Variants in OCA2 observed in about 807,000 individuals in gnomAD.
OCA2 encodes OCA2 melanosomal transmembrane protein, also known as P protein.
OCA2 carries 77 observed loss-of-function variants against 100.2 expected under a neutral mutation model. That is an observed-to-expected ratio of 0.77 (90% confidence interval 0.64 to 0.93). OCA2 has a LOEUF of 0.93. Among genes scored for constraint, OCA2 ranks in the 40% least tolerant of loss-of-function variants. The pLI is 0.00. For synonymous variants in OCA2, 432 were observed against 439.2 expected (o/e 0.98, Z 0.21); for missense variants, 1,062 against 1,089.1 (o/e 0.98, Z 0.35).
chr15:27,905,163 C>CAA (rs35906783), intron 19 of OCA2, among the ~76,000 whole-genome samples: 42,427 of 114,284 alleles, frequency 0.37, 7,962 homozygotes, highest in Middle Eastern at 0.54. Context: ...GACTCCACCT[C>CAA]AAAAAAAAAA....
chr15:28,081,529 G>T, intron 2 of OCA2, 119 bp downstream of exon 2: 1 of 938,862 alleles, frequency 1.1e-6, no homozygotes. Flanking sequence ...TCTAATGCTG[G>T]AAAAATTCTT....
rs189943545 is a variant in OCA2 at position 27,804,802 on chromosome 15, G to A, written c.2432+40157C>T. On this transcript the variant is annotated intron_variant, in intron 23 of 23. Coordinates refer to ENST00000354638, the MANE Select transcript of OCA2 (RefSeq NM_000275.3). ...ACCCAGCGCCTTGGGAACCACCAGCGTCCTGCAGCCTACGGCCCCAGTCCT... is the reference window on the plus strand; with the variant it reads ...ACCCAGCGCCTTGGGAACCACCAGCATCCTGCAGCCTACGGCCCCAGTCCT... Among the ~76,000 whole-genome samples the A allele has an allele frequency of 1.2e-4, 18 of 152,320 alleles. No individual in the cohort carries two copies. In the East Asian group the frequency reaches 3.3e-3, roughly 28 times the overall value.
intron 23 of OCA2, among the ~76,000 whole-genome samples, chr15:27,836,130 C>T (rs1008509222): frequency 2.6e-5 from 4 of 152,162 alleles, no homozygotes; most frequent in African/African-American, 9.7e-5. Flanking sequence ...TAACCTTTCT[C>T]AGGGCCACTG....
At chr15:28,049,104 A>G (rs531177726) in intron 2 of OCA2, among the ~76,000 whole-genome samples, 185 of 152,350 alleles carry the variant, frequency 1.2e-3, no homozygotes, top group Admixed American at 3.6e-3. Context: ...CTAGTATCCA[A>G]TATTTTAAAA....
intron 23 of OCA2, among the ~76,000 whole-genome samples, chr15:27,823,712 C>T (rs2311466): frequency 0.76 from 115,532 of 152,174 alleles, 45,387 homozygotes; most frequent in East Asian, 1. Context: ...TCTCCCTCCC[C>T]GAAAAAACTC....
intron 14 of OCA2, among the ~76,000 whole-genome samples, chr15:27,968,177 C>G (rs1218325540): frequency 6.6e-6 from 1 of 151,940 alleles, no homozygotes; most frequent in Non-Finnish European, 1.5e-5. Context: ...GCTTTTACAC[C>G]TTCAGCACAT....
At chr15:28,027,654 G>A (rs577164465) in intron 4 of OCA2, among the ~76,000 whole-genome samples, 31 of 152,308 alleles carry the variant, frequency 2.0e-4, no homozygotes, top group African/African-American at 7.5e-4. Flanking sequence ...AATCATTTAG[G>A]TTTGTCCTCT....
chr15:27,772,695 G>T (rs945648797), intron 23 of OCA2, among the ~76,000 whole-genome samples: 2 of 152,106 alleles, frequency 1.3e-5, no homozygotes, highest in Non-Finnish European at 2.9e-5. Flanking sequence ...ACAAAAATTA[G>T]CTGGGTGTGG....
intron 23 of OCA2, among the ~76,000 whole-genome samples, chr15:27,794,149 T>C (rs2033219316): frequency 6.6e-6 from 1 of 152,198 alleles, no homozygotes; most frequent in African/African-American, 2.4e-5. Context: ...GATCAGCACC[T>C]CTGCATCAGG....
chr15:27,990,794 C>A, intron 9 of OCA2, 147 bp from the exon 10 acceptor site: 1 of 743,382 alleles, frequency 1.3e-6, no homozygotes, highest in Non-Finnish European at 2.4e-6. Context: ...ATGTTTCAGG[C>A]CTGGACACCC....
At chr15:28,041,322 A>T (rs373589382) in intron 2 of OCA2, among the ~76,000 whole-genome samples, 7 of 51,548 alleles carry the variant, frequency 1.4e-4, no homozygotes, top group Admixed American at 8.8e-4. Flanking sequence ...TTTCATGATT[A>T]AAAAAAAAAA....
chr15:27,789,991 G>C (rs1389584092), intron 23 of OCA2, among the ~76,000 whole-genome samples: 1 of 152,040 alleles, frequency 6.6e-6, no homozygotes, highest in African/African-American at 2.4e-5. Flanking sequence ...TATACTATTA[G>C]AAAAATGAAG....
chr15:28,091,456 G>A (rs1365251394), intron 1 of OCA2, among the ~76,000 whole-genome samples: 1 of 152,090 alleles, frequency 6.6e-6, no homozygotes, highest in Admixed American at 6.5e-5. Context: ...TATATCAAAA[G>A]AGCTACACAC....
intron 1 of OCA2, among the ~76,000 whole-genome samples, chr15:28,097,458 G>T (rs2045006809): frequency 6.6e-6 from 1 of 152,238 alleles, no homozygotes; most frequent in Non-Finnish European, 1.5e-5. Flanking sequence ...CACTGGGTCA[G>T]CCCCTGCCCC....
At chr15:27,761,435 G>A (rs1465237176) in intron 23 of OCA2, among the ~76,000 whole-genome samples, 1 of 150,756 alleles carries the variant, frequency 6.6e-6, no homozygotes, top group African/African-American at 2.4e-5. Context: ...CAGCATCTGT[G>A]TGCTGTAAGT....
chr15:27,971,150 C>CA (rs1567174955), intron 14 of OCA2, among the ~76,000 whole-genome samples: 2 of 151,828 alleles, frequency 1.3e-5, no homozygotes, highest in Non-Finnish European at 2.9e-5. Context: ...GATGGGAAAA[C>CA]GTGAAGAACG....
intron 19 of OCA2, among the ~76,000 whole-genome samples, chr15:27,878,515 A>C (rs1177740189): frequency 1.3e-5 from 2 of 152,136 alleles, no homozygotes; most frequent in African/African-American, 4.8e-5. Flanking sequence ...TTCTTTCAGC[A>C]CTTAAAGAAG....
At chr15:27,859,396 A>G (rs773547127) in intron 21 of OCA2, among the ~76,000 whole-genome samples, 1 of 152,200 alleles carries the variant, frequency 6.6e-6, no homozygotes, top group Non-Finnish European at 1.5e-5. Context: ...ATAAACAATT[A>G]CATGCCAACA....
chr15:27,928,156 T>C (rs2039113565), intron 18 of OCA2, among the ~76,000 whole-genome samples: 1 of 152,164 alleles, frequency 6.6e-6, no homozygotes, highest in Non-Finnish European at 1.5e-5. Flanking sequence ...TTTGTTTAAT[T>C]GTTCTGGTTA....
Sources: allele counts gnomAD v4.1 joint callset (sites outside exome capture counted in the v4.1 genomes callset), GRCh38; gene constraint gnomAD v4.1.1; transcripts MANE v1.5; gene names NCBI Gene and HGNC (gene_info 2026-07-23, HGNC 2026-07-21).